KRT86: variants seen among roughly 807,000 people sequenced by gnomAD.
KRT86 encodes keratin, type II cuticular Hb6.
A neutral mutation model predicts 41.2 loss-of-function variants in KRT86; 30 were observed. The observed-to-expected ratio is 0.73, with a 90% CI of 0.54 to 0.99. KRT86 has a LOEUF of 0.99. Among genes scored for constraint, KRT86 ranks in the 50% least tolerant of loss-of-function variants. The probability of loss-of-function intolerance (pLI) is 0.00; values close to 1 mark genes in which losing one functional copy is unlikely to be tolerated. For missense variants in KRT86, 561 were observed against 571.4 expected (o/e 0.98, Z 0.19); for synonymous variants, 238 against 238.1 (o/e 1.00, Z 0.00).
In KRT86 at chr12:52,283,759, C is replaced by A. The variant is rs11835431; in HGVS notation, c.-5+7813C>A. Among the ~76,000 whole-genome samples the A allele has an allele frequency of 6.0e-3, 914 of 152,310 alleles. 9 individuals are homozygous for A. The highest frequency in any genetic ancestry group is 0.021 in the African/African-American group (854 of 41,572). On this transcript the variant is annotated intron_variant, in intron 2 of 10. Transcript: ENST00000423955. Reference sequence around the variant, plus strand: ...CCTCCCAAAGTGCTGGGATTACAGGCGTGAGCCACCACGCCCAGCCCCAAA... The same window carrying A: ...CCTCCCAAAGTGCTGGGATTACAGGAGTGAGCCACCACGCCCAGCCCCAAA...
chr12:52,291,664 T>A, intron 2 of KRT86: 1 of 727,078 alleles, frequency 1.4e-6, no homozygotes, highest in Non-Finnish European at 2.2e-6. Context: ...CTCCAGAATG[T>A]GCTTTAATGG....
At chr12:52,293,903 C>G (rs1487662467) in intron 2 of KRT86, among the ~76,000 whole-genome samples, 1 of 151,920 alleles carries the variant, frequency 6.6e-6, no homozygotes, top group Non-Finnish European at 1.5e-5. Flanking sequence ...GCAGAGTAGA[C>G]TTAGGGAATG....
chr12:52,287,574 C>T (rs767676371), intron 2 of KRT86: 12 of 1,613,966 alleles, frequency 7.4e-6, no homozygotes, highest in Non-Finnish European at 9.3e-6. Flanking sequence ...TCTCTCTGAC[C>T]TTGCGCACAG....
At chr12:52,277,641 G>A (rs945001198) in intron 2 of KRT86, 1 of 152,612 alleles carries the variant, frequency 6.6e-6, no homozygotes, top group Non-Finnish European at 1.5e-5. Context: ...TGTAGCAGCT[G>A]TGTGAGTACT....
intron 2 of KRT86, chr12:52,287,042 G>C (rs1565740041): frequency 6.2e-7 from 1 of 1,611,938 alleles, no homozygotes; most frequent in African/African-American, 1.3e-5. Context: ...CCAAGGCCAA[G>C]GGTAGGCTTG....
intron 2 of KRT86, chr12:52,286,731 A>T (rs1260862399): frequency 3.2e-6 from 5 of 1,555,338 alleles, no homozygotes; most frequent in Non-Finnish European, 3.5e-6. Flanking sequence ...CTTTTTCCAA[A>T]CTCTGCCCTC....
rs747720953 is a variant in KRT86, at chr12:52,306,157, T to C, written c.1124T>C (p.Leu375Pro). 1 of 1,613,956 alleles carries C rather than the reference T, an allele frequency of 6.2e-7. No homozygotes were observed. Among genetic ancestry groups the C allele is most frequent in the South Asian group, 1.1e-5 (1 of 91,080 alleles). The change falls in exon 9 of 11, where the codon CTG (leucine) becomes CCG (proline). Residue 375 changes from leucine to proline, a missense_variant. Around this residue, in one of 3 missense-constraint regions of KRT86, gnomAD observed 397 missense variants for 375.9 expected, o/e 1.06. Transcript: ENST00000423955. ...RCKLAELEGA[L>P]QKAKQDMACL... ...AAGTTGGCCGAGCTGGAGGGTGCCC[T>C]GCAGAAGGCCAAGCAGGACATGGCC...
At chr12:52,288,588 C>T in intron 2 of KRT86, 1 of 1,103,532 alleles carries the variant, frequency 9.1e-7, no homozygotes. Context: ...CTTTCCTCCC[C>T]TTCTGCCCTT....
In KRT86 at chr12:52,305,752, G is replaced by C; in HGVS notation, c.990G>C (p.Gln330His). ...TCAACGAGCTGAACCGCATGATCCAGAGGCTGACGGCTGAGGTGGAGAATG... is the reference window on the plus strand; with the variant it reads ...TCAACGAGCTGAACCGCATGATCCACAGGCTGACGGCTGAGGTGGAGAATG... Reference protein sequence around the residue: ...EEINELNRMIQRLTAEVENAK... With the variant: ...EEINELNRMIHRLTAEVENAK... Residue 330 changes from glutamine to histidine, a missense_variant, in exon 8 of 11, where the codon CAG becomes CAC. Physicochemically the swap from Gln to His is conservative, Grantham distance 24 (BLOSUM62 0). Coordinates refer to ENST00000423955, the MANE Select transcript of KRT86 (RefSeq NM_001320198.2). 1 of 1,614,090 alleles carries C rather than the reference G, an allele frequency of 6.2e-7. No homozygotes were observed. The highest frequency in any genetic ancestry group is 8.5e-7 in the Non-Finnish European group (1 of 1,179,926).
chr12:52,294,670 T>C (rs1488353804), intron 2 of KRT86, among the ~76,000 whole-genome samples: 2 of 152,222 alleles, frequency 1.3e-5, no homozygotes, highest in Admixed American at 6.5e-5. Context: ...CTACCACTTA[T>C]AGGAAAAAAT....
intron 2 of KRT86, chr12:52,287,022 C>T: frequency 2.5e-6 from 4 of 1,609,834 alleles, no homozygotes; most frequent in Non-Finnish European, 3.4e-6. Context: ...GAGCCCTGGC[C>T]ATTGCTCAGC....
intron 2 of KRT86, among the ~76,000 whole-genome samples, chr12:52,297,008 A>G (rs1205043295): frequency 6.6e-6 from 1 of 152,160 alleles, no homozygotes; most frequent in Non-Finnish European, 1.5e-5. Flanking sequence ...CTGTCACAGT[A>G]TCTCATGATC....
At chr12:52,307,360 C>T (rs1938541569) in intron 9 of KRT86, among the ~76,000 whole-genome samples, 1 of 152,196 alleles carries the variant, frequency 6.6e-6, no homozygotes, top group Admixed American at 6.5e-5. Context: ...GCCCACTCCT[C>T]CATCACACGG....
intron 2 of KRT86, among the ~76,000 whole-genome samples, chr12:52,279,349 C>T (rs554058307): frequency 1.3e-5 from 2 of 152,336 alleles, no homozygotes; most frequent in East Asian, 3.9e-4. Context: ...CTTTTTGCCT[C>T]CCACACCGGG....
Position 52,306,002 on chromosome 12 carries a change from G to T in KRT86, c.1027-58G>T, listed in dbSNP as rs1384636073. The T allele has an allele frequency of 3.7e-6, 6 of 1,605,454 alleles. No homozygotes were observed. The Admixed American group carries it at 5.1e-5, about 14-fold the overall frequency. On this transcript the variant is annotated intron_variant, in intron 8 of 10. Coordinates refer to ENST00000423955, the MANE Select transcript of KRT86 (RefSeq NM_001320198.2). ...TGGTGGGGAGCATGGTCTCATCGAGGTAAGCATCAGAGAGACCCAGGGACT... is the reference window on the plus strand; with the variant it reads ...TGGTGGGGAGCATGGTCTCATCGAGTTAAGCATCAGAGAGACCCAGGGACT...
chr12:52,287,481 T>A, intron 2 of KRT86: 2 of 1,600,218 alleles, frequency 1.2e-6, no homozygotes, highest in South Asian at 2.2e-5. Flanking sequence ...CCAGGGACTC[T>A]ACATGGACAA....
rs1199154863 is a variant in KRT86 at position 52,305,317 on chromosome 12, G to A, written c.813G>A (p.Met271Ile). ...VKLDNSRDLN[M>I]DCIIAEIKAQ... ...TGGACAACAGCCGGGACCTGAACATGGACTGCATCATTGCCGAGATCAAGG... is the reference window on the plus strand; with the variant it reads ...TGGACAACAGCCGGGACCTGAACATAGACTGCATCATTGCCGAGATCAAGG... The change falls in exon 7 of 11, where the codon ATG becomes ATA. Residue 271 changes from methionine to isoleucine, a missense_variant. This residue lies in a region of KRT86 where 397 missense variants were observed against 375.9 expected (regional missense o/e 1.06). Transcript: ENST00000423955. 6.2e-7 allele frequency: 1 copy of A among 1,614,252 alleles called. No homozygotes were observed. Among genetic ancestry groups the A allele is most frequent in the East Asian group, 2.2e-5 (1 of 44,890 alleles).
chr12:52,296,506 C>T (rs1437510542), intron 2 of KRT86, among the ~76,000 whole-genome samples: 1 of 152,164 alleles, frequency 6.6e-6, no homozygotes, highest in African/African-American at 2.4e-5. Flanking sequence ...TGAATGTTAC[C>T]AGGGTGGAGC....
chr12:52,287,427 G>C, intron 2 of KRT86: 1 of 1,570,568 alleles, frequency 6.4e-7, no homozygotes, highest in Non-Finnish European at 8.7e-7. Flanking sequence ...CCCCAGAACA[G>C]AGCCTCTTGC....
Sources: allele counts gnomAD v4.1 joint callset (sites outside exome capture counted in the v4.1 genomes callset), GRCh38; gene constraint gnomAD v4.1.1; regional missense constraint gnomAD v4.1.1; transcripts MANE v1.5; gene names NCBI Gene and HGNC (gene_info 2026-07-23, HGNC 2026-07-21).